The following SH3TC2 variants were observed in gnomAD, a reference collection of about 807,000 sequenced individuals.
SH3TC2 encodes SH3 domain and tetratricopeptide repeats 2.
A neutral mutation model predicts 124.5 loss-of-function variants in SH3TC2; 87 were observed. The observed-to-expected ratio is 0.70, with a 90% CI of 0.59 to 0.84. SH3TC2 has a LOEUF of 0.84. SH3TC2 is among the 40% of genes least tolerant of loss of function. SH3TC2 has a pLI of 0.00. For missense variants in SH3TC2, 1,536 were observed against 1,566.4 expected, an observed-to-expected ratio of 0.98 and a Z score of 0.33; for synonymous variants, 634 against 628.5, an observed-to-expected ratio of 1.01 and a Z score of -0.13.
intron 1 of SH3TC2, among the ~76,000 whole-genome samples, chr5:149,060,225 T>C (rs1178766089): frequency 1.3e-5 from 2 of 152,234 alleles, no homozygotes; most frequent in African/African-American, 4.8e-5. Flanking sequence ...AGAAGTTTTT[T>C]GATCAACAAA....
chr5:149,041,541 CT>C lies in SH3TC2; in HGVS notation c.605del (p.Lys202ArgfsTer4). On this transcript the variant is annotated frameshift_variant, in exon 6 of 17. Coordinates refer to ENST00000515425, the MANE Select transcript of SH3TC2 (RefSeq NM_024577.4). LOFTEE classifies it high-confidence loss of function. ...CCATCTTCACTGAGATTAACTCATT[CT>C]TGCAAAGTGTCAAGCATTCCCCTTC... ...EKEGECLTLC[K>X]NELISVKMAE... The C allele has an allele frequency of 6.2e-7, 1 of 1,614,226 alleles. No individual in the cohort carries two copies. Among genetic ancestry groups the C allele is most frequent in the Non-Finnish European group, 8.5e-7 (1 of 1,180,040 alleles).
chr5:149,029,742 A>G (rs1368335391), intron 9 of SH3TC2, among the ~76,000 whole-genome samples: 1 of 152,182 alleles, frequency 6.6e-6, no homozygotes, highest in East Asian at 1.9e-4. Context: ...CGGACTAGGT[A>G]AGAACCAAGA....
At position 149,027,468 on chromosome 5, in the gene SH3TC2, G is replaced by A; in HGVS notation, c.2264C>T (p.Thr755Ile). The A allele has an allele frequency of 1.2e-6, 2 of 1,614,184 alleles. No individual in the cohort carries two copies. Among genetic ancestry groups the A allele is most frequent in the Non-Finnish European group, 1.7e-6 (2 of 1,180,040 alleles). Reference protein sequence around the residue: ...AACEELADRSTQRALCLILSK... With the variant: ...AACEELADRSIQRALCLILSK... ...AAGGATGAGACACAGGGCCCTCTGGGTGCTCCGGTCTGCTAGTTCCTCACA... is the reference window on the plus strand; with the variant it reads ...AAGGATGAGACACAGGGCCCTCTGGATGCTCCGGTCTGCTAGTTCCTCACA... The change falls in exon 11 of 17, where the codon ACC (threonine) becomes ATC (isoleucine). Residue 755 changes from threonine (T) to isoleucine (I), a missense_variant. Thr to Ile is a moderately conservative substitution (Grantham distance 89). This residue lies in a region of SH3TC2 where 1,102 missense variants were observed against 1,098.6 expected (regional missense o/e 1.00). Coordinates refer to ENST00000515425, the MANE Select transcript of SH3TC2 (RefSeq NM_024577.4).
chr5:149,026,533 G>C (rs1434615967), intron 12 of SH3TC2, 39 bp downstream of exon 12: 1 of 1,611,040 alleles, frequency 6.2e-7, no homozygotes, highest in Non-Finnish European at 8.5e-7. Context: ...CCTTAAGGAA[G>C]GAAAGCTGCT....
intron 8 of SH3TC2, among the ~76,000 whole-genome samples, chr5:149,034,901 A>T (rs1018949745): frequency 2.0e-5 from 3 of 152,196 alleles, no homozygotes; most frequent in African/African-American, 7.2e-5. Flanking sequence ...AACTTTGAAG[A>T]TGTTATGCTA....
rs759222104 is a variant in SH3TC2, at chr5:149,031,707, A to C, written c.1002-20T>G. 6 of 1,613,716 alleles carry C rather than the reference A, an allele frequency of 3.7e-6. No individual in the cohort carries two copies. Among genetic ancestry groups the C allele is most frequent in the Non-Finnish European group, 5.1e-6 (6 of 1,180,000 alleles). ...CTGCTCCTGCATCGGGGCAAAAAAC[A>C]CAGAGACAGATTACTGCAAGGCTTC... On this transcript the variant is annotated intron_variant, in intron 8 of 16. Transcript: ENST00000515425.
chr5:149,057,892 A>G (rs1754678948), intron 1 of SH3TC2, among the ~76,000 whole-genome samples: 1 of 152,238 alleles, frequency 6.6e-6, no homozygotes, highest in Non-Finnish European at 1.5e-5. Context: ...TGGGTTATGC[A>G]GTGCCATGGC....
Position 148,991,618 on chromosome 5 carries a change from G to A in SH3TC2, c.*13093C>T, listed in dbSNP as rs1753420878. Among the ~76,000 whole-genome samples the A allele has an allele frequency of 6.6e-6, 1 of 152,202 alleles. No individual in the cohort carries two copies. The highest frequency in any genetic ancestry group is 2.4e-5 in the African/African-American group (1 of 41,454). ...CAAGTAGTCTCCAGACATTGCAGCT[G>A]GGTGGTTGAAATGCTTGCTCTGGGA... On this transcript the variant is annotated 3_prime_UTR_variant, in exon 17 of 17. Transcript: ENST00000515425.
chr5:149,004,674 T>C lies in SH3TC2; in HGVS notation c.*37A>G. 1 of 1,610,020 alleles carries C rather than the reference T, an allele frequency of 6.2e-7. No homozygotes were observed. Among genetic ancestry groups the C allele is most frequent in the Non-Finnish European group, 8.5e-7 (1 of 1,178,744 alleles). ...AGCCTAGGGCAGTGGGGTCAGAGTC[T>C]GGCCATGCCAAATGTCCAGAGACAG... On this transcript the variant is annotated 3_prime_UTR_variant, in exon 17 of 17. Transcript: ENST00000515425.
At chr5:149,005,348 G>C (rs1043532234) in intron 16 of SH3TC2, among the ~76,000 whole-genome samples, 1 of 152,190 alleles carries the variant, frequency 6.6e-6, no homozygotes, top group Non-Finnish European at 1.5e-5. Flanking sequence ...ACAAAGCAAA[G>C]TAGAAACATA....
Position 149,010,250 on chromosome 5 carries a change from A to C in SH3TC2, c.3327+20T>G. 1 of 1,614,084 alleles carries C rather than the reference A, an allele frequency of 6.2e-7. No individual in the cohort carries two copies. Among genetic ancestry groups the C allele is most frequent in the Non-Finnish European group, 8.5e-7 (1 of 1,180,020 alleles). ...CCCGTGCCAGGACCTGTCTCAGCAA[A>C]CTGCACAGCTTGGACTTACTCGGTA... On this transcript the variant is annotated intron_variant, in intron 14 of 16. Transcript: ENST00000515425.
rs140104134 is a variant in SH3TC2, at chr5:149,026,685, G to A, written c.2940C>T (p.Cys980=). ...CCAGCCAGTGCTCATGGTAGGTGAT[G>A]CATGCCTCAGGGTTTGGGGACACAG... is the stretch of plus-strand genomic sequence containing the variant. ...YSSVSPNPEA[C]ITYHEHWLAL... Residue 980 remains cysteine (C), a synonymous_variant, in exon 12 of 17, where the codon TGC becomes TGT. Coordinates refer to ENST00000515425, the MANE Select transcript of SH3TC2 (RefSeq NM_024577.4). The A allele has an allele frequency of 3.7e-6, 6 of 1,614,090 alleles. No homozygotes were observed. In the Middle Eastern group the frequency reaches 6.6e-4, roughly 177 times the overall value.
intron 12 of SH3TC2, among the ~76,000 whole-genome samples, chr5:149,020,052 T>A (rs985721047): frequency 1.1e-4 from 16 of 151,576 alleles, no homozygotes; most frequent in African/African-American, 3.9e-4. Context: ...TTAGTAGCAA[T>A]TGTTTAATAT....
Position 148,997,314 on chromosome 5 carries a change from G to A in SH3TC2, c.*7397C>T, listed in dbSNP as rs1293832558. 1.3e-5 allele frequency among the ~76,000 whole-genome samples: 2 copies of A among 152,242 alleles called. No individual in the cohort carries two copies. The highest frequency in any genetic ancestry group is 2.1e-4 in the South Asian group (1 of 4,814). Reference sequence around the variant, plus strand: ...CCTCATTCACCTCACTCCCAACCTGGAATCTTCTTCAAAACATAACTTACT... The same window carrying A: ...CCTCATTCACCTCACTCCCAACCTGAAATCTTCTTCAAAACATAACTTACT... On this transcript the variant is annotated 3_prime_UTR_variant, in exon 17 of 17. Coordinates refer to ENST00000515425, the MANE Select transcript of SH3TC2 (RefSeq NM_024577.4).
chr5:149,053,463 C>T (rs1413656633), intron 1 of SH3TC2, among the ~76,000 whole-genome samples: 1 of 152,184 alleles, frequency 6.6e-6, no homozygotes, highest in East Asian at 1.9e-4. Context: ...GGCCTGTCAG[C>T]TCTTCATCCA....
Position 148,990,820 on chromosome 5 carries a change from G to A in SH3TC2, c.*13891C>T, listed in dbSNP as rs926745562. ...ATTATATATTAAATATTTGCAATAAGCAAGGCCCTGAGTTAAGTATTCTAA... is the reference window on the plus strand; with the variant it reads ...ATTATATATTAAATATTTGCAATAAACAAGGCCCTGAGTTAAGTATTCTAA... On this transcript the variant is annotated 3_prime_UTR_variant, in exon 17 of 17. Transcript: ENST00000515425. Among the ~76,000 whole-genome samples, 16 of 152,202 alleles carry A rather than the reference G, an allele frequency of 1.1e-4. No individual in the cohort carries two copies. The highest frequency in any genetic ancestry group is 3.9e-4 in the African/African-American group (16 of 41,524).
intron 7 of SH3TC2, 149 bp from the exon 8 acceptor site, chr5:149,038,639 G>A (rs190030599): frequency 3.6e-6 from 3 of 831,602 alleles, no homozygotes; most frequent in African/African-American, 1.7e-5. Flanking sequence ...CCAAAAATTG[G>A]CAGGAATGAC....
intron 5 of SH3TC2, 31 bp from the exon 6 acceptor site, chr5:149,041,648 T>TAAGGAGTAGCAGG (rs764621677): frequency 6.2e-7 from 1 of 1,610,152 alleles, no homozygotes; most frequent in Non-Finnish European, 8.5e-7. Flanking sequence ...AATGGCTTTC[T>TAAGGAGTAGCAGG]AAGGAGTAGC....
chr5:149,029,080 C>T (rs1378955413), intron 9 of SH3TC2, among the ~76,000 whole-genome samples: 1 of 152,114 alleles, frequency 6.6e-6, no homozygotes, highest in Admixed American at 6.5e-5. Flanking sequence ...GATGCAGCTC[C>T]CAAATCTCTC....
Sources: allele counts gnomAD v4.1 joint callset (sites outside exome capture counted in the v4.1 genomes callset), GRCh38; gene constraint gnomAD v4.1.1; regional missense constraint gnomAD v4.1.1; transcripts MANE v1.5; gene names NCBI Gene and HGNC (gene_info 2026-07-23, HGNC 2026-07-21).